The following SLC24A4 variants were observed in gnomAD, a reference collection of about 807,000 sequenced individuals.
SLC24A4 encodes sodium/potassium/calcium exchanger 4.
SLC24A4 carries 53 observed loss-of-function variants against 79.0 expected under a neutral mutation model. The observed-to-expected ratio is 0.67, with a 90% CI of 0.54 to 0.84. The LOEUF (loss-of-function observed/expected upper bound fraction) is 0.84. SLC24A4 is among the 40% of genes least tolerant of loss of function. SLC24A4 has a pLI of 0.00. For missense variants in SLC24A4, 731 were observed against 822.0 expected (o/e 0.89, Z 1.35); for synonymous variants, 323 against 323.8 (o/e 1.00, Z 0.03).
intron 14 of SLC24A4, among the ~76,000 whole-genome samples, chr14:92,487,142 G>T (rs186809520): frequency 1.3e-5 from 2 of 152,206 alleles, no homozygotes; most frequent in African/African-American, 4.8e-5. Flanking sequence ...CAAAGCACTG[G>T]CATCCTATAC....
Position 92,326,102 on chromosome 14 carries a change from G to A in SLC24A4, c.241+124G>A. On this transcript the variant is annotated intron_variant, in intron 2 of 16. Coordinates refer to ENST00000532405, the MANE Select transcript of SLC24A4 (RefSeq NM_153646.4). The stretch of plus-strand genomic sequence containing the variant: ...GGTTTATGGACTTGAGTGGGAAAGG[G>A]TGGCCATGAGGTATTGAAAGGTAAC... The A allele has an allele frequency of 9.6e-6, 6 of 624,408 alleles. No individual in the cohort carries two copies. The South Asian group carries it at 1.3e-4, about 13-fold the overall frequency. 38.7% of individuals were successfully genotyped at this position (624,408 alleles called of 1,614,324 possible).
At chr14:92,451,678 C>G (rs1566777760) in intron 10 of SLC24A4, 1 of 152,246 alleles carries the variant, frequency 6.6e-6, no homozygotes, top group Non-Finnish European at 1.5e-5. Flanking sequence ...AAAGCCTTTT[C>G]CCCACCACAC....
rs1242283191 is a variant in SLC24A4 at position 92,497,810 on chromosome 14, C to G, written c.*4182C>G. On this transcript the variant is annotated 3_prime_UTR_variant, in exon 17 of 17. Coordinates refer to ENST00000532405, the MANE Select transcript of SLC24A4 (RefSeq NM_153646.4). ...CCTTTCCTTCTGGGCCATGCTCCTC[C>G]CTGGCTGGAAAAAGGTGGCTGTGCT... 1 of 152,432 alleles carries G rather than the reference C, an allele frequency of 6.6e-6. No homozygotes were observed. The highest frequency in any genetic ancestry group is 1.5e-5 in the Non-Finnish European group (1 of 68,222). 9.4% of individuals were successfully genotyped at this position (152,432 alleles called of 1,614,324 possible). A position where few individuals can be genotyped will look rare whatever the true frequency, so the allele number is the denominator to read the frequency against.
intron 12 of SLC24A4, among the ~76,000 whole-genome samples, chr14:92,464,991 G>A (rs1894024074): frequency 6.6e-6 from 1 of 152,184 alleles, no homozygotes; most frequent in Admixed American, 6.5e-5. Flanking sequence ...CACCGTGCCT[G>A]ACATCTTCTA....
chr14:92,484,629 C>G (rs1223511638), intron 13 of SLC24A4: 1 of 985,300 alleles, frequency 1.0e-6, no homozygotes, highest in Non-Finnish European at 1.2e-6. Context: ...TCTGCCCCAG[C>G]CCCAGGCACT....
intron 12 of SLC24A4, 50 bp from the exon 13 acceptor site, chr14:92,482,630 C>T: frequency 1.3e-6 from 2 of 1,526,636 alleles, no homozygotes; most frequent in South Asian, 1.3e-5. Flanking sequence ...GTGTGTTACC[C>T]AGTGTCTTTC....
chr14:92,445,120 G>A (rs1179550158), intron 7 of SLC24A4, among the ~76,000 whole-genome samples, 197 bp from the exon 8 acceptor site: 1 of 152,116 alleles, frequency 6.6e-6, no homozygotes, highest in Non-Finnish European at 1.5e-5. Flanking sequence ...TGCTAAGCTG[G>A]GGCCTTGTGA....
chr14:92,359,657 G>A (rs976387488), intron 2 of SLC24A4, among the ~76,000 whole-genome samples: 8 of 151,922 alleles, frequency 5.3e-5, no homozygotes, highest in African/African-American at 1.2e-4. Flanking sequence ...AAACATAAAC[G>A]TTAAGTATAA....
chr14:92,451,381 C>T (rs904395520), intron 10 of SLC24A4: 2 of 152,332 alleles, frequency 1.3e-5, no homozygotes, highest in Non-Finnish European at 2.9e-5. Context: ...CCCCCGGTAA[C>T]ACCCTGGGTG....
At chr14:92,415,063 G>GCGA (rs139511113) in intron 2 of SLC24A4, among the ~76,000 whole-genome samples, 16,036 of 152,188 alleles carry the variant, frequency 0.11, 899 homozygotes, top group African/African-American at 0.14. Context: ...TGGTTGAAAG[G>GCGA]CGACGGTTCA....
chr14:92,465,362 C>T (rs780190472), intron 12 of SLC24A4, among the ~76,000 whole-genome samples: 31 of 152,176 alleles, frequency 2.0e-4, no homozygotes, highest in Non-Finnish European at 3.4e-4. Flanking sequence ...GAGATCCCTG[C>T]GGTGAGATGC....
chr14:92,381,601 G>A (rs1888853938), intron 2 of SLC24A4, among the ~76,000 whole-genome samples: 1 of 152,000 alleles, frequency 6.6e-6, no homozygotes, highest in Non-Finnish European at 1.5e-5. Flanking sequence ...AGAACTTAAA[G>A]TACAATTTAA....
intron 10 of SLC24A4, among the ~76,000 whole-genome samples, chr14:92,449,562 G>A (rs1387258384): frequency 2.0e-5 from 3 of 152,230 alleles, no homozygotes; most frequent in Non-Finnish European, 4.4e-5. Context: ...CCTGACCCCT[G>A]TAAGGGCCCA....
rs537383934 is a variant in SLC24A4, at chr14:92,425,653, C to T, written c.242-8259C>T. ...TGTGATGCTGAACAAAGCACTTGAC[C>T]TCTCTGGACTTCAGGGTTCTCCTCT... On this transcript the variant is annotated intron_variant, in intron 2 of 16. Transcript: ENST00000532405. 1.2e-3 allele frequency among the ~76,000 whole-genome samples: 188 copies of T among 152,256 alleles called. 1 individual carries two copies. The highest frequency in any genetic ancestry group is 2.0e-3 in the Non-Finnish European group (135 of 68,022).
intron 2 of SLC24A4, among the ~76,000 whole-genome samples, chr14:92,341,643 C>T (rs751274216): frequency 2.6e-5 from 4 of 152,150 alleles, no homozygotes; most frequent in Non-Finnish European, 4.4e-5. Context: ...GAAGAACCGT[C>T]GACGGGCAGC....
intron 13 of SLC24A4, chr14:92,484,652 A>G: frequency 1.0e-6 from 1 of 985,292 alleles, no homozygotes. Flanking sequence ...CACTTGGAAC[A>G]CCCTGGCCTT....
intron 2 of SLC24A4, among the ~76,000 whole-genome samples, chr14:92,425,588 C>T (rs560830663): frequency 6.6e-6 from 1 of 152,200 alleles, no homozygotes. Flanking sequence ...ATTGTCTGTT[C>T]GTATTAATTC....
intron 2 of SLC24A4, among the ~76,000 whole-genome samples, chr14:92,365,768 G>C (rs549440639): frequency 6.6e-6 from 1 of 152,310 alleles, no homozygotes; most frequent in Admixed American, 6.5e-5. Flanking sequence ...GGAATTTCCT[G>C]TATGCTAACT....
In SLC24A4 at chr14:92,398,010, C is replaced by T. The variant is rs117555903; in HGVS notation, c.242-35902C>T. ...AAGCCACGCAACCAATAACGAGACT[C>T]TCCCCTATGCCAGGCCCTGCGCACA... On this transcript the variant is annotated intron_variant, in intron 2 of 16. Transcript: ENST00000532405. The surrounding 1 kb of genome is among the most constrained non-coding windows in gnomAD (Gnocchi z 4.1). Among the ~76,000 whole-genome samples, 3 of 152,348 alleles carry T rather than the reference C, an allele frequency of 2.0e-5. No homozygotes were observed. The highest frequency in any genetic ancestry group is 2.9e-5 in the Non-Finnish European group (2 of 68,032).
Sources: allele counts gnomAD v4.1 joint callset (sites outside exome capture counted in the v4.1 genomes callset), GRCh38; gene constraint gnomAD v4.1.1; non-coding constraint Gnocchi (gnomAD v3.1); transcripts MANE v1.5; gene names NCBI Gene and HGNC (gene_info 2026-07-23, HGNC 2026-07-21).